The following HECW2 variants were observed in gnomAD, a reference collection of about 807,000 sequenced individuals.
The protein encoded by HECW2 is HECT, C2 and WW domain containing E3 ubiquitin protein ligase 2, also known as E3 ubiquitin-protein ligase HECW2.
Under a neutral mutation model 175.2 loss-of-function variants are expected in HECW2, and 61 were observed. That is an observed-to-expected ratio of 0.35 (90% confidence interval 0.28 to 0.43). HECW2 has a LOEUF of 0.43. Ranked by LOEUF, HECW2 falls within the 20% of genes least tolerant of loss-of-function variation. The pLI, the probability that HECW2 is intolerant of heterozygous loss-of-function variation, is 1.00. For missense variants in HECW2, 1,524 were observed against 2,000.5 expected (o/e 0.76, Z 4.54); for synonymous variants, 671 against 731.0 (o/e 0.92, Z 1.32).
rs1688409601 is a variant in HECW2 at position 196,240,540 on chromosome 2, A to G, written c.3673T>C (p.Leu1225=). 12 of 1,609,620 alleles carry G rather than the reference A, an allele frequency of 7.5e-6. No individual in the cohort carries two copies. The East Asian group carries it at 2.7e-4, about 36-fold the overall frequency. The change falls in exon 21 of 29, where the codon TTA becomes CTA. Residue 1225 remains leucine, a synonymous_variant. Coordinates refer to ENST00000644978, the MANE Select transcript of HECW2 (RefSeq NM_001348768.2). ...ATCTGATTAAAAGCATCTTCTAGTA[A>G]GTGATCTCTTCGGATAATTAACCTG... The part of the protein sequence containing the change: ...KLKLIIRRDH[L]LEDAFNQIMG...
At chr2:196,430,500 A>C (rs1012623334) in intron 2 of HECW2, among the ~76,000 whole-genome samples, 3 of 152,240 alleles carry the variant, frequency 2.0e-5, no homozygotes, top group Non-Finnish European at 4.4e-5. Flanking sequence ...AGAATCTTTA[A>C]AGTAGCTATA....
At chr2:196,317,101 A>T in intron 10 of HECW2, 173 bp downstream of exon 10, 1 of 554,798 alleles carries the variant, frequency 1.8e-6, no homozygotes, top group South Asian at 2.5e-5. Context: ...GGTGCCAGAG[A>T]AGAGTCATTG....
chr2:196,310,753 A>T (rs1267217060), intron 10 of HECW2, among the ~76,000 whole-genome samples: 1 of 77,548 alleles, frequency 1.3e-5, no homozygotes, highest in African/African-American at 3.4e-5. Context: ...TGCAGTGAAA[A>T]CGAGAGCAAC....
intron 1 of HECW2, among the ~76,000 whole-genome samples, chr2:196,463,377 A>ACACCACCCAC (rs1403728897): frequency 4.9e-4 from 74 of 150,040 alleles, no homozygotes; most frequent in African/African-American, 1.7e-3. Flanking sequence ...GTCAGGCTGC[A>ACACCACCCAC]CACCACCCAC....
chr2:196,241,798 A>G (rs1261872212), intron 20 of HECW2, among the ~76,000 whole-genome samples: 1 of 152,204 alleles, frequency 6.6e-6, no homozygotes, highest in Non-Finnish European at 1.5e-5. Context: ...TGCACCAACA[A>G]AGACATACTT....
rs566007681 is a variant in HECW2, at chr2:196,385,611, T to G, written c.293-41847A>C. Among the ~76,000 whole-genome samples, 89 of 152,306 alleles carry G rather than the reference T, an allele frequency of 5.8e-4. 2 individuals carry two copies. In the South Asian group the frequency reaches 0.018, roughly 31 times the overall value. Reference sequence around the variant, plus strand: ...GGTGGCAGGTCTTAGAGAATCACTTTTGTGATCTGAAGCTAGTCCTTTAAC... The same window carrying G: ...GGTGGCAGGTCTTAGAGAATCACTTGTGTGATCTGAAGCTAGTCCTTTAAC... On this transcript the variant is annotated intron_variant, in intron 2 of 28. Coordinates refer to ENST00000644978, the MANE Select transcript of HECW2 (RefSeq NM_001348768.2).
At chr2:196,243,616 T>TG (rs1336285589) in intron 19 of HECW2, among the ~76,000 whole-genome samples, 5 of 152,168 alleles carry the variant, frequency 3.3e-5, no homozygotes, top group African/African-American at 1.2e-4. Flanking sequence ...GTTTTGCTCT[T>TG]GTTGCCCAGG....
intron 12 of HECW2, 70 bp from the exon 13 acceptor site, chr2:196,306,682 A>G: frequency 6.9e-7 from 1 of 1,443,244 alleles, no homozygotes; most frequent in Non-Finnish European, 9.2e-7. Context: ...TACTCACTTC[A>G]GTCTGCATTT....
chr2:196,304,641 T>G (rs1251155477), intron 13 of HECW2, among the ~76,000 whole-genome samples: 2 of 152,224 alleles, frequency 1.3e-5, no homozygotes, highest in African/African-American at 4.8e-5. Flanking sequence ...ACTCCAAGTC[T>G]GAGTCTCTTC....
At chr2:196,308,704 T>C (rs1691364774) in intron 10 of HECW2, among the ~76,000 whole-genome samples, 1 of 152,214 alleles carries the variant, frequency 6.6e-6, no homozygotes, top group Non-Finnish European at 1.5e-5. Flanking sequence ...AACATAACGT[T>C]TTAAAAGATT....
At chr2:196,491,369 TAC>T (rs67409257) in intron 1 of HECW2, among the ~76,000 whole-genome samples, 68,957 of 129,992 alleles carry the variant, frequency 0.53, 20,166 homozygotes, top group East Asian at 0.75. Flanking sequence ...CATATATATA[TAC>T]ACACACACAC....
intron 1 of HECW2, among the ~76,000 whole-genome samples, chr2:196,575,887 T>C (rs1048404134): frequency 4.0e-5 from 6 of 151,890 alleles, no homozygotes; most frequent in African/African-American, 1.5e-4. Flanking sequence ...AACAGAGCAA[T>C]AACTCACTCA....
At chr2:196,304,558 G>C (rs1691190471) in intron 13 of HECW2, among the ~76,000 whole-genome samples, 1 of 152,026 alleles carries the variant, frequency 6.6e-6, no homozygotes, top group South Asian at 2.1e-4. Context: ...CAAATCACAG[G>C]CATTTAATAA....
intron 14 of HECW2, chr2:196,287,943 C>T (rs531282181): frequency 4.6e-5 from 7 of 152,092 alleles, no homozygotes; most frequent in Non-Finnish European, 1.5e-5. Context: ...AGTCATTCTA[C>T]AGTGGACCCT....
chr2:196,512,519 G>A (rs1309790108), intron 1 of HECW2, among the ~76,000 whole-genome samples: 1 of 151,750 alleles, frequency 6.6e-6, no homozygotes, highest in African/African-American at 2.4e-5. Context: ...AGCTTTTCAA[G>A]CAGCCAGGAC....
Position 196,369,663 on chromosome 2 carries a change from G to A in HECW2, c.293-25899C>T, listed in dbSNP as rs73988189. ...CCTAAAGATGCCATCAAGGAACCAG[G>A]GCCTAGAGTAGGAAACCTTAGGAAT... On this transcript the variant is annotated intron_variant, in intron 2 of 28. Transcript: ENST00000644978. Among the ~76,000 whole-genome samples the A allele has an allele frequency of 3.8e-3, 571 of 152,194 alleles. 5 individuals carry two copies. Among genetic ancestry groups the A allele is most frequent in the African/African-American group, 0.013 (539 of 41,524 alleles).
chr2:196,356,076 G>A (rs1160643283), intron 2 of HECW2, among the ~76,000 whole-genome samples: 1 of 152,214 alleles, frequency 6.6e-6, no homozygotes, highest in Non-Finnish European at 1.5e-5. Flanking sequence ...ATGAGGCAGA[G>A]AGTGGGAGAA....
chr2:196,198,519 A>T lies in HECW2; in HGVS notation c.*2758T>A, dbSNP rs536999507. ...CTGAGCTTTTCAAAGGCAGATTTAG[A>T]CTCTTGTAGCTCCATCGTCAAACAA... On this transcript the variant is annotated 3_prime_UTR_variant, in exon 29 of 29. Coordinates refer to ENST00000644978, the MANE Select transcript of HECW2 (RefSeq NM_001348768.2). 6.6e-6 allele frequency: 1 copy of T among 152,230 alleles called. No homozygotes were observed. Among genetic ancestry groups the T allele is most frequent in the Admixed American group, 6.5e-5 (1 of 15,288 alleles). 9.4% of individuals were successfully genotyped at this position (152,230 alleles called of 1,614,324 possible).
rs369413595 is a variant in HECW2, at chr2:196,279,399, T to C, written c.3001-737A>G. Among the ~76,000 whole-genome samples, 5 of 152,288 alleles carry C rather than the reference T, an allele frequency of 3.3e-5. No homozygotes were observed. The East Asian group carries it at 9.6e-4, about 29-fold the overall frequency. ...CTTCTTTCTTCCTTCTCCTATACAG[T>C]AAGCCACAAAATCCTTCTCATTTTC... On this transcript the variant is annotated intron_variant, in intron 14 of 28. Transcript: ENST00000644978.
Sources: gnomAD v4.1 joint callset for allele counts (sites outside exome capture counted in the v4.1 genomes callset) on GRCh38, gnomAD v4.1.1 for gene constraint, MANE v1.5 for transcripts, NCBI Gene and HGNC (gene_info 2026-07-23, HGNC 2026-07-21) for gene names.